The following MAGI2 variants were observed in gnomAD, a reference collection of about 807,000 sequenced individuals.
MAGI2 encodes the protein membrane associated guanylate kinase, WW and PDZ domain containing 2.
Under a neutral mutation model 133.3 loss-of-function variants are expected in MAGI2, and 35 were observed. That is an observed-to-expected ratio of 0.26 (90% CI 0.20 to 0.35). The LOEUF is 0.35. Ranked by LOEUF, MAGI2 falls within the 10% of genes least tolerant of loss-of-function variation. MAGI2 has a pLI of 1.00. For synonymous variants in MAGI2, 729 were observed against 710.6 expected, an observed-to-expected ratio of 1.03 and a Z score of -0.41; for missense variants, 1,636 against 1,863.4, an observed-to-expected ratio of 0.88 and a Z score of 2.25.
At chr7:78,990,421 T>C (rs951315841) in intron 2 of MAGI2, among the ~76,000 whole-genome samples, 12 of 152,070 alleles carry the variant, frequency 7.9e-5, no homozygotes, top group Non-Finnish European at 1.3e-4. Flanking sequence ...CCCAATTCCC[T>C]GAAACGTAGA....
chr7:79,265,241 C>G (rs569288129), intron 1 of MAGI2, among the ~76,000 whole-genome samples: 1 of 152,238 alleles, frequency 6.6e-6, no homozygotes, highest in Non-Finnish European at 1.5e-5. Flanking sequence ...ACTTACTGAA[C>G]CAGAGACTTG....
chr7:78,177,829 A>C (rs997735537), intron 14 of MAGI2, among the ~76,000 whole-genome samples, 182 bp downstream of exon 14: 1 of 152,194 alleles, frequency 6.6e-6, no homozygotes, highest in Non-Finnish European at 1.5e-5. Context: ...TGTCGTGGAG[A>C]TAACTGCATG....
At chr7:78,239,818 T>A (rs147884501) in intron 10 of MAGI2, among the ~76,000 whole-genome samples, 106 of 152,302 alleles carry the variant, frequency 7.0e-4, no homozygotes, top group African/African-American at 2.2e-3. Context: ...GCAATGTAAA[T>A]TAGTATAGCC....
chr7:78,649,606 C>G (rs1208362890), intron 2 of MAGI2, among the ~76,000 whole-genome samples: 1 of 152,084 alleles, frequency 6.6e-6, no homozygotes, highest in East Asian at 1.9e-4. Context: ...GTGACTACAC[C>G]TGGCTATAAG....
intron 2 of MAGI2, among the ~76,000 whole-genome samples, chr7:78,702,682 AC>A (rs1818200377): frequency 1.3e-5 from 2 of 151,996 alleles, no homozygotes; most frequent in South Asian, 4.2e-4. Flanking sequence ...GCTCTTCCCC[AC>A]CCCTTTCATG....
intron 2 of MAGI2, among the ~76,000 whole-genome samples, chr7:78,721,182 T>C (rs1187301500): frequency 6.6e-6 from 1 of 152,098 alleles, no homozygotes; most frequent in Admixed American, 6.6e-5. Flanking sequence ...CTGTACCAGT[T>C]CTTCCTCATG....
chr7:78,067,525 C>T (rs73362626), intron 21 of MAGI2, among the ~76,000 whole-genome samples: 1,771 of 152,342 alleles, frequency 0.012, 25 homozygotes, highest in African/African-American at 0.041. Context: ...GACCAGAGAC[C>T]TTGCTACAGA....
chr7:78,030,700 G>T (rs1809479659), intron 21 of MAGI2, among the ~76,000 whole-genome samples: 1 of 152,176 alleles, frequency 6.6e-6, no homozygotes, highest in African/African-American at 2.4e-5. Flanking sequence ...TACCTATGTG[G>T]CTATAATTAA....
At chr7:78,273,059 G>C (rs1299102071) in intron 9 of MAGI2, among the ~76,000 whole-genome samples, 2 of 152,212 alleles carry the variant, frequency 1.3e-5, no homozygotes, top group Admixed American at 6.5e-5. Flanking sequence ...AATTTGGCAT[G>C]TTTTTGCAGT....
At chr7:78,297,316 AAGTC>A (rs1016590954) in intron 9 of MAGI2, among the ~76,000 whole-genome samples, 1 of 151,944 alleles carries the variant, frequency 6.6e-6, no homozygotes, top group Non-Finnish European at 1.5e-5. Flanking sequence ...AATCATTAAA[AAGTC>A]AGGAAACAAC....
At chr7:79,355,936 T>G (rs931906391) in intron 1 of MAGI2, among the ~76,000 whole-genome samples, 1 of 152,208 alleles carries the variant, frequency 6.6e-6, no homozygotes, top group African/African-American at 2.4e-5. Context: ...TGTCTTTATG[T>G]ATAATCATGC....
At chr7:78,438,878 G>A (rs1787322947) in intron 6 of MAGI2, among the ~76,000 whole-genome samples, 1 of 152,124 alleles carries the variant, frequency 6.6e-6, no homozygotes, top group Non-Finnish European at 1.5e-5. Flanking sequence ...CTTCTATTTT[G>A]CTTGCCTTTA....
rs115809767 is a variant in MAGI2 at position 78,477,501 on chromosome 7, A to T, written c.1045+12260T>A. Among the ~76,000 whole-genome samples, 714 of 152,046 alleles carry T rather than the reference A, an allele frequency of 4.7e-3. 7 individuals are homozygous for T. The highest frequency in any genetic ancestry group is 0.016 in the African/African-American group (677 of 41,488). ...AAGGAGAGAGGTTTAACTGTTTCAC[A>T]GTTCCACATGGCTGGGGAGGCCTCA... On this transcript the variant is annotated intron_variant, in intron 6 of 21. Coordinates refer to ENST00000354212, the MANE Select transcript of MAGI2 (RefSeq NM_012301.4).
chr7:79,321,360 T>G (rs2129561636), intron 1 of MAGI2, among the ~76,000 whole-genome samples: 1 of 152,312 alleles, frequency 6.6e-6, no homozygotes. Flanking sequence ...TGACATAATT[T>G]AATATTCAAT....
At chr7:78,075,820 C>T (rs572428313) in intron 21 of MAGI2, among the ~76,000 whole-genome samples, 1 of 152,162 alleles carries the variant, frequency 6.6e-6, no homozygotes, top group Non-Finnish European at 1.5e-5. Context: ...AGAAATATCA[C>T]TTGATGACAT....
intron 21 of MAGI2, among the ~76,000 whole-genome samples, chr7:78,039,964 C>T (rs1036905039): frequency 4.6e-5 from 7 of 152,182 alleles, no homozygotes; most frequent in African/African-American, 1.7e-4. Context: ...CTCCTAGCAA[C>T]CTGCTAATAC....
At chr7:79,344,654 C>T (rs371279562) in intron 1 of MAGI2, among the ~76,000 whole-genome samples, 1 of 152,072 alleles carries the variant, frequency 6.6e-6, no homozygotes, top group African/African-American at 2.4e-5. Context: ...TTTGTACATG[C>T]GACAGTTGAC....
chr7:79,310,191 A>AAAAAAAAAT, intron 1 of MAGI2, among the ~76,000 whole-genome samples: 1 of 127,728 alleles, frequency 7.8e-6, no homozygotes, highest in East Asian at 2.1e-4. Context: ...AAAAAAAAAA[A>AAAAAAAAAT]AAAAGAGAGA....
At chr7:78,363,547 C>T in intron 7 of MAGI2, among the ~76,000 whole-genome samples, 1 of 124,318 alleles carries the variant, frequency 8.0e-6, no homozygotes, top group Non-Finnish European at 1.7e-5. Flanking sequence ...TGAAGAAACA[C>T]TGTTTTTATT....
Sources: allele counts gnomAD v4.1 joint callset (sites outside exome capture counted in the v4.1 genomes callset), GRCh38; gene constraint gnomAD v4.1.1; transcripts MANE v1.5; gene names NCBI Gene and HGNC (gene_info 2026-07-23, HGNC 2026-07-21).